The following ITSN2 variants were observed in gnomAD, a reference collection of about 807,000 sequenced individuals.
The protein encoded by ITSN2 is intersectin-2.
A neutral mutation model predicts 243.7 loss-of-function variants in ITSN2; 156 were observed. The observed-to-expected ratio is 0.64, with a 90% CI of 0.56 to 0.73. The LOEUF (loss-of-function observed/expected upper bound fraction) is 0.73. Among genes scored for constraint, ITSN2 ranks in the 30% least tolerant of loss-of-function variants. The pLI is 0.00. For synonymous variants in ITSN2, 703 were observed against 699.9 expected (o/e 1.00, Z -0.07); for missense variants, 1,801 against 1,996.1 (o/e 0.90, Z 1.86).
intron 30 of ITSN2, chr2:24,220,516 T>C (rs945399656): frequency 2.2e-5 from 22 of 1,005,770 alleles, no homozygotes; most frequent in Non-Finnish European, 2.6e-5. Context: ...ACACTTTCAC[T>C]GTTTCACAGT....
chr2:24,315,755 CT>C lies in ITSN2; in HGVS notation c.32-532del, dbSNP rs578231380. Among the ~76,000 whole-genome samples the C allele has an allele frequency of 3.6e-3, 544 of 152,318 alleles. 3 individuals carry two copies. Among genetic ancestry groups the C allele is most frequent in the African/African-American group, 0.013 (520 of 41,566 alleles). ...TAGCTGATGGTTTTAAAGTGTGGCA[CT>C]TCCCCCCTTGCTGCTTCTCTCTCTC... On this transcript the variant is annotated intron_variant, in intron 2 of 39. Coordinates refer to ENST00000355123, the MANE Select transcript of ITSN2 (RefSeq NM_006277.3).
At chr2:24,339,494 A>G (rs1686812791) in intron 1 of ITSN2, among the ~76,000 whole-genome samples, 1 of 151,970 alleles carries the variant, frequency 6.6e-6, no homozygotes, top group Admixed American at 6.6e-5. Context: ...AAAAGAGTTA[A>G]ACCTTTAGAA....
At chr2:24,347,021 C>T (rs561880962) in intron 1 of ITSN2, among the ~76,000 whole-genome samples, 6 of 151,962 alleles carry the variant, frequency 3.9e-5, no homozygotes, top group East Asian at 1.9e-4. Flanking sequence ...CCCGCCACCA[C>T]GCCCAGCTAA....
At chr2:24,221,606 T>A (rs1247512173) in intron 29 of ITSN2, 1 of 152,364 alleles carries the variant, frequency 6.6e-6, no homozygotes, top group East Asian at 1.9e-4. Flanking sequence ...GTTAAAAAAA[T>A]GTTTGAGAAA....
chr2:24,203,644 C>T lies in ITSN2; in HGVS notation c.5076G>A (p.Glu1692=), dbSNP rs773791994. The change falls in exon 40 of 40, where the codon GAG becomes GAA. Residue 1692 remains glutamate, a synonymous_variant. Coordinates refer to ENST00000355123, the MANE Select transcript of ITSN2 (RefSeq NM_006277.3). Reference sequence around the variant, plus strand: ...AGAACCCCTACAGGAGAGTTTTTTGCTCAAAAAGCTGCAGGTCAAAACGGA... The same window carrying T: ...AGAACCCCTACAGGAGAGTTTTTTGTTCAAAAAGCTGCAGGTCAAAACGGA... ...VWVRFDLQLF[E]QKTLL 4 of 1,613,078 alleles carry T rather than the reference C, an allele frequency of 2.5e-6. No individual in the cohort carries two copies. In the East Asian group the frequency reaches 6.7e-5, roughly 27 times the overall value.
chr2:24,207,031 A>G (rs1028133624), intron 37 of ITSN2, among the ~76,000 whole-genome samples: 4 of 152,132 alleles, frequency 2.6e-5, no homozygotes, highest in Admixed American at 2.0e-4. Flanking sequence ...GGCACAGGAA[A>G]GAGCTAGGGA....
In ITSN2 at chr2:24,284,861, TAAA is replaced by T. The variant is rs748825282; in HGVS notation, c.1864-21_1864-19del. ...TTCCCACACTGTAAGATAAGGCAGA[TAAA>T]AAGCCAATTAAACTACGTACAGAAT... On this transcript the variant is annotated intron_variant, in intron 16 of 39. Transcript: ENST00000355123. The T allele has an allele frequency of 1.6e-6, 2 of 1,270,068 alleles. No individual in the cohort carries two copies. The highest frequency in any genetic ancestry group is 3.0e-5 in the African/African-American group (2 of 65,740). 78.7% of individuals were successfully genotyped at this position (1,270,068 alleles called of 1,614,324 possible).
chr2:24,250,212 C>T (rs1392718608), intron 25 of ITSN2, among the ~76,000 whole-genome samples: 1 of 152,132 alleles, frequency 6.6e-6, no homozygotes, highest in East Asian at 1.9e-4. Flanking sequence ...ACTAAATTGT[C>T]CACTCAACTA....
At chr2:24,237,266 C>T (rs1672265402) in intron 29 of ITSN2, among the ~76,000 whole-genome samples, 1 of 152,158 alleles carries the variant, frequency 6.6e-6, no homozygotes, top group Non-Finnish European at 1.5e-5. Context: ...GAGCACTTTT[C>T]CTCTTTTATT....
At chr2:24,265,162 T>C (rs961653834) in intron 20 of ITSN2, among the ~76,000 whole-genome samples, 1 of 152,200 alleles carries the variant, frequency 6.6e-6, no homozygotes, top group Admixed American at 6.5e-5. Context: ...TTCTTATCTT[T>C]TTCTAAAAAA....
chr2:24,295,591 G>A (rs980384974), intron 14 of ITSN2, 73 bp downstream of exon 14: 54 of 1,216,552 alleles, frequency 4.4e-5, no homozygotes, highest in Non-Finnish European at 5.7e-5. Context: ...TTACAGCCGT[G>A]AGCCACCGTG....
chr2:24,278,030 T>G (rs1678240255), intron 17 of ITSN2, among the ~76,000 whole-genome samples: 1 of 152,296 alleles, frequency 6.6e-6, no homozygotes, highest in African/African-American at 2.4e-5. Context: ...AAAGTGCTTA[T>G]TATAGTGCAG....
intron 1 of ITSN2, among the ~76,000 whole-genome samples, chr2:24,355,974 G>A (rs1441387922): frequency 2.6e-5 from 4 of 152,084 alleles, no homozygotes; most frequent in Non-Finnish European, 5.9e-5. Flanking sequence ...AGGCCGAGGC[G>A]GGTGGATCAC....
chr2:24,321,391 C>T (rs545353711), intron 2 of ITSN2, among the ~76,000 whole-genome samples: 14 of 152,248 alleles, frequency 9.2e-5, no homozygotes, highest in Admixed American at 1.3e-4. Context: ...TTTCCAGGAA[C>T]GTATATCATT....
chr2:24,285,451 T>A (rs766796360), intron 16 of ITSN2, among the ~76,000 whole-genome samples: 5 of 152,226 alleles, frequency 3.3e-5, no homozygotes, highest in African/African-American at 4.8e-5. Flanking sequence ...AAAAGCCATA[T>A]GAAGAGAGAG....
At chr2:24,318,477 C>T (rs1684184506) in intron 2 of ITSN2, among the ~76,000 whole-genome samples, 1 of 152,160 alleles carries the variant, frequency 6.6e-6, no homozygotes, top group Non-Finnish European at 1.5e-5. Context: ...ATCATAAAAG[C>T]CATTCAACAA....
At chr2:24,273,062 T>C (rs1384994340) in intron 18 of ITSN2, among the ~76,000 whole-genome samples, 2 of 152,230 alleles carry the variant, frequency 1.3e-5, no homozygotes, top group East Asian at 1.9e-4. Context: ...TCAGCATATA[T>C]ACCCTTCCAA....
At chr2:24,330,241 G>T (rs1457663894) in intron 1 of ITSN2, among the ~76,000 whole-genome samples, 1 of 152,184 alleles carries the variant, frequency 6.6e-6, no homozygotes, top group Non-Finnish European at 1.5e-5. Flanking sequence ...CATCTGTCTA[G>T]AACCATTTGT....
intron 22 of ITSN2, among the ~76,000 whole-genome samples, chr2:24,260,479 C>T (rs937535594): frequency 6.7e-6 from 1 of 148,474 alleles, no homozygotes; most frequent in African/African-American, 2.5e-5. Context: ...AAAAAAAAAC[C>T]GTCAAGCCCA....
Sources: gnomAD v4.1 joint callset for allele counts (sites outside exome capture counted in the v4.1 genomes callset) on GRCh38, gnomAD v4.1.1 for gene constraint, MANE v1.5 for transcripts, NCBI Gene and HGNC (gene_info 2026-07-23, HGNC 2026-07-21) for gene names.